Variants in NCAM2 observed in about 807,000 individuals in gnomAD.
NCAM2 encodes the protein neural cell adhesion molecule 2.
NCAM2 carries 30 observed loss-of-function variants against 98.1 expected under a neutral mutation model. The observed-to-expected ratio is 0.31, with a 90% CI of 0.23 to 0.41. The LOEUF (loss-of-function observed/expected upper bound fraction) is 0.41, where lower values mean the gene tolerates loss of function less well. Among genes scored for constraint, NCAM2 ranks in the 10% least tolerant of loss-of-function variants. The probability of loss-of-function intolerance (pLI) is 1.00; values close to 1 mark genes in which losing one functional copy is unlikely to be tolerated. For missense variants in NCAM2, 867 were observed against 1,005.8 expected (o/e 0.86, Z 1.87); for synonymous variants, 368 against 342.4 (o/e 1.07, Z -0.83).
intron 1 of NCAM2, among the ~76,000 whole-genome samples, chr21:21,153,078 G>A (rs751508131): frequency 6.6e-6 from 1 of 151,604 alleles, no homozygotes; most frequent in Non-Finnish European, 1.5e-5. Flanking sequence ...AGATGTGACA[G>A]TATTTATTTT....
At chr21:21,143,955 GTTAT>G (rs1176339867) in intron 1 of NCAM2, among the ~76,000 whole-genome samples, 16 of 151,880 alleles carry the variant, frequency 1.1e-4, no homozygotes, top group Non-Finnish European at 2.2e-4. Context: ...AACTCAATGT[GTTAT>G]TTGTTTCACA....
intron 1 of NCAM2, among the ~76,000 whole-genome samples, chr21:21,039,028 T>TAC (rs1568955218): frequency 6.6e-6 from 1 of 152,130 alleles, no homozygotes; most frequent in African/African-American, 2.4e-5. Flanking sequence ...GATTTGTTTA[T>TAC]TCTATTAATA....
chr21:21,286,455 A>G (rs370469265), intron 4 of NCAM2, 43 bp downstream of exon 4: 90 of 1,542,356 alleles, frequency 5.8e-5, no homozygotes, highest in Non-Finnish European at 6.9e-5. Context: ...TTCTAATACT[A>G]TTGCAGTTTT....
At chr21:21,414,761 G>T (rs1043898370) in intron 10 of NCAM2, among the ~76,000 whole-genome samples, 1 of 152,034 alleles carries the variant, frequency 6.6e-6, no homozygotes, top group South Asian at 2.1e-4. Flanking sequence ...GAGCCACCGC[G>T]CCCGGCCACA....
intron 2 of NCAM2, among the ~76,000 whole-genome samples, 174 bp from the exon 3 acceptor site, chr21:21,284,020 A>G (rs942471485): frequency 8.6e-5 from 13 of 151,994 alleles, no homozygotes; most frequent in African/African-American, 3.1e-4. Flanking sequence ...AACAAAGGTG[A>G]ACATTTGCAC....
intron 9 of NCAM2, 128 bp downstream of exon 9, chr21:21,374,141 A>G: frequency 2.5e-6 from 2 of 792,008 alleles, no homozygotes. Flanking sequence ...TTTAGAGGAA[A>G]TATAGGAATC....
chr21:21,225,699 G>C (rs1231633386), intron 1 of NCAM2, among the ~76,000 whole-genome samples: 1 of 151,812 alleles, frequency 6.6e-6, no homozygotes, highest in African/African-American at 2.4e-5. Flanking sequence ...TAAAATTAAA[G>C]TTGTAAATTA....
intron 10 of NCAM2, among the ~76,000 whole-genome samples, chr21:21,411,867 C>T (rs117028263): frequency 0.022 from 3,357 of 152,132 alleles, 70 homozygotes; most frequent in Non-Finnish European, 0.03. Flanking sequence ...GTAATTAAAC[C>T]GCTATGTCTA....
chr21:21,237,280 T>C (rs982930509), intron 1 of NCAM2, among the ~76,000 whole-genome samples: 11 of 152,136 alleles, frequency 7.2e-5, no homozygotes, highest in African/African-American at 2.7e-4. Flanking sequence ...TGGTTTCAAT[T>C]TTTTTAAGGT....
chr21:21,439,838 G>T (rs1177815856), intron 12 of NCAM2, among the ~76,000 whole-genome samples: 2 of 152,198 alleles, frequency 1.3e-5, no homozygotes, highest in African/African-American at 4.8e-5. Flanking sequence ...CTAATAAGCA[G>T]CTGGGGATGT....
intron 16 of NCAM2, among the ~76,000 whole-genome samples, chr21:21,519,050 A>G (rs1988868039): frequency 6.6e-6 from 1 of 152,150 alleles, no homozygotes; most frequent in Non-Finnish European, 1.5e-5. Context: ...TAATGTAAAG[A>G]TTCTAACATG....
chr21:21,316,659 T>C (rs1035306770), intron 5 of NCAM2, among the ~76,000 whole-genome samples: 2 of 148,586 alleles, frequency 1.3e-5, no homozygotes, highest in Non-Finnish European at 3.0e-5. Flanking sequence ...TTCTCCTGCC[T>C]CAGCCTCCCA....
At chr21:21,058,084 G>A (rs955400095) in intron 1 of NCAM2, among the ~76,000 whole-genome samples, 2 of 146,918 alleles carry the variant, frequency 1.4e-5, no homozygotes, top group African/African-American at 5.1e-5. Context: ...AGTAACTCTG[G>A]GTGAATTGAT....
At chr21:21,324,816 A>G (rs1362474303) in intron 6 of NCAM2, among the ~76,000 whole-genome samples, 1 of 152,158 alleles carries the variant, frequency 6.6e-6, no homozygotes, top group Non-Finnish European at 1.5e-5. Context: ...ATTACAATTT[A>G]TCTTGAAATT....
At chr21:21,448,078 T>TA (rs1980460037) in intron 12 of NCAM2, among the ~76,000 whole-genome samples, 2 of 152,062 alleles carry the variant, frequency 1.3e-5, no homozygotes, top group Non-Finnish European at 2.9e-5. Context: ...TATTCTACCC[T>TA]AAAGACACAT....
intron 12 of NCAM2, among the ~76,000 whole-genome samples, chr21:21,465,572 TATTA>T (rs1304314148): frequency 6.6e-6 from 1 of 151,768 alleles, no homozygotes; most frequent in Non-Finnish European, 1.5e-5. Context: ...TTAGAAATAA[TATTA>T]ATAAATTATA....
At chr21:21,456,851 GAGA>G (rs1463163253) in intron 12 of NCAM2, among the ~76,000 whole-genome samples, 5 of 152,280 alleles carry the variant, frequency 3.3e-5, no homozygotes, top group Admixed American at 2.6e-4. Flanking sequence ...AGGGTGGAAT[GAGA>G]AGATGTCTAT....
At chr21:21,329,571 T>G (rs1174018199) in intron 6 of NCAM2, among the ~76,000 whole-genome samples, 1 of 152,202 alleles carries the variant, frequency 6.6e-6, no homozygotes, top group East Asian at 1.9e-4. Context: ...GGAATCAATG[T>G]GTCAATAATT....
chr21:21,410,635 T>C (rs1335667602), intron 10 of NCAM2, among the ~76,000 whole-genome samples, 174 bp downstream of exon 10: 1 of 152,088 alleles, frequency 6.6e-6, no homozygotes, highest in East Asian at 1.9e-4. Flanking sequence ...ATGATGAGTG[T>C]ATGAATGTCT....
Sources: gnomAD v4.1 joint callset for allele counts (sites outside exome capture counted in the v4.1 genomes callset) on GRCh38, gnomAD v4.1.1 for gene constraint, MANE v1.5 for transcripts, NCBI Gene and HGNC (gene_info 2026-07-23, HGNC 2026-07-21) for gene names.